BIRC5: variants seen among roughly 807,000 people sequenced by gnomAD.
BIRC5 encodes the protein baculoviral IAP repeat containing 5, also known as baculoviral IAP repeat-containing protein 5.
A neutral mutation model predicts 15.8 loss-of-function variants in BIRC5; 8 were observed. That is an observed-to-expected ratio of 0.51 (90% confidence interval 0.30 to 0.91). BIRC5 has a LOEUF of 0.91. Ranked by LOEUF, BIRC5 falls within the 40% of genes least tolerant of loss-of-function variation. BIRC5 has a pLI of 0.07. For synonymous variants in BIRC5, 56 were observed against 64.5 expected, an observed-to-expected ratio of 0.87 and a Z score of 0.63; for missense variants, 163 against 178.6, an observed-to-expected ratio of 0.91 and a Z score of 0.50.
intron 2 of BIRC5, 131 bp from the exon 3 acceptor site, chr17:78,216,533 C>G: frequency 1.4e-6 from 1 of 729,386 alleles, no homozygotes. Flanking sequence ...CCATCAACTT[C>G]AGACTTGACG....
At chr17:78,216,113 G>A in intron 2 of BIRC5, 1 of 317,490 alleles carries the variant, frequency 3.1e-6, no homozygotes, top group Non-Finnish European at 4.6e-6. Context: ...GCCGGGCGTG[G>A]TGGTGGGCGC....
At chr17:78,215,411 C>T (rs760453653) in intron 2 of BIRC5, among the ~76,000 whole-genome samples, 20 of 150,604 alleles carry the variant, frequency 1.3e-4, no homozygotes, top group Non-Finnish European at 2.7e-4. Flanking sequence ...AGCGAGACTC[C>T]GTCATAAAAA....
chr17:78,222,973 C>T (rs1054980140), intron 3 of BIRC5: 1 of 1,499,124 alleles, frequency 6.7e-7, no homozygotes, highest in Non-Finnish European at 8.8e-7. Flanking sequence ...GGACTTTCCT[C>T]CAGGAGTTTC....
intron 2 of BIRC5, 58 bp downstream of exon 2, chr17:78,214,847 T>C: frequency 6.7e-7 from 1 of 1,489,658 alleles, no homozygotes; most frequent in Non-Finnish European, 9.2e-7. Context: ...TGTCAAAAGA[T>C]TTGAGTTGCA....
intron 3 of BIRC5, among the ~76,000 whole-genome samples, chr17:78,221,332 G>A (rs1001124830): frequency 1.3e-5 from 2 of 152,122 alleles, no homozygotes; most frequent in African/African-American, 4.8e-5. Context: ...GCTCACTATA[G>A]CCTCGACCTC....
intron 3 of BIRC5, among the ~76,000 whole-genome samples, chr17:78,220,903 G>A (rs2076510915): frequency 6.6e-6 from 1 of 152,036 alleles, no homozygotes; most frequent in African/African-American, 2.4e-5. Flanking sequence ...AGACAAGGAT[G>A]CTGTTGCTGG....
intron 3 of BIRC5, among the ~76,000 whole-genome samples, chr17:78,218,266 CTTTATTTATTTATTTA>C (rs144831740): frequency 3.3e-5 from 5 of 150,464 alleles, no homozygotes; most frequent in Admixed American, 6.6e-5. Flanking sequence ...TGTAACTGGG[CTTTATTTATTTATTTA>C]TTTATTTATT....
In BIRC5 at chr17:78,224,403, TA is replaced by T. The variant is rs1184224577; in HGVS notation, c.*852del. On this transcript the variant is annotated 3_prime_UTR_variant, in exon 4 of 4. Coordinates refer to ENST00000350051, the MANE Select transcript of BIRC5 (RefSeq NM_001168.3). ...AAAAGGCAGTGGCCTAAATCCTTTT[TA>T]AATGACTTGGCTCGATGCTGTGGGG... The T allele has an allele frequency of 6.6e-6, 1 of 152,246 alleles. No individual in the cohort carries two copies. The highest frequency in any genetic ancestry group is 2.4e-5 in the African/African-American group (1 of 41,446). The allele number at this position is 152,246 out of a possible 1,614,324, so 9.4% of individuals were successfully genotyped here.
chr17:78,221,228 G>A (rs952651878), intron 3 of BIRC5, among the ~76,000 whole-genome samples: 3 of 152,154 alleles, frequency 2.0e-5, no homozygotes, highest in African/African-American at 7.2e-5. Flanking sequence ...AAGGAGAGGC[G>A]AGTTGTAGAC....
At chr17:78,215,768 T>C (rs2076473276) in intron 2 of BIRC5, among the ~76,000 whole-genome samples, 1 of 152,208 alleles carries the variant, frequency 6.6e-6, no homozygotes, top group Non-Finnish European at 1.5e-5. Flanking sequence ...ATAAGTGTTA[T>C]GATATTTTCA....
chr17:78,214,732 C>T lies in BIRC5; in HGVS notation c.164C>T (p.Ala55Val). 6.2e-7 allele frequency: 1 copy of T among 1,612,816 alleles called. No homozygotes were observed. The highest frequency in any genetic ancestry group is 8.5e-7 in the Non-Finnish European group (1 of 1,179,532). Residue 55 changes from alanine (A) to valine (V), a missense_variant, in exon 2 of 4, where the codon GCC (alanine) becomes GTC (valine). Ala to Val is a moderately conservative substitution (Grantham distance 64). Coordinates refer to ENST00000350051, the MANE Select transcript of BIRC5 (RefSeq NM_001168.3). ...CCCACTGAGAACGAGCCAGACTTGG[C>T]CCAGTGTTTCTTCTGCTTCAAGGAG... is the stretch of plus-strand genomic sequence containing the variant. ...HCPTENEPDL[A>V]QCFFCFKELE...
rs540147173 is a variant in BIRC5 at position 78,224,527 on chromosome 17, C to T, written c.*973C>T. On this transcript the variant is annotated 3_prime_UTR_variant, in exon 4 of 4. Coordinates refer to ENST00000350051, the MANE Select transcript of BIRC5 (RefSeq NM_001168.3). ...GAGAGACGCAGTCCGCCCAGGTCCCCGCTTTCTTTGGAGGCAGCAGCTCCC... is the reference window on the plus strand; with the variant it reads ...GAGAGACGCAGTCCGCCCAGGTCCCTGCTTTCTTTGGAGGCAGCAGCTCCC... The T allele has an allele frequency of 2.0e-5, 3 of 152,360 alleles. No individual in the cohort carries two copies. The highest frequency in any genetic ancestry group is 2.1e-4 in the South Asian group (1 of 4,822). 9.4% of individuals were successfully genotyped at this position (152,360 alleles called of 1,614,324 possible). A position where few individuals can be genotyped will look rare whatever the true frequency, so the allele number is the denominator to read the frequency against.
rs965704300 is a variant in BIRC5, at chr17:78,216,566, G to A, written c.222-98G>A. On this transcript the variant is annotated intron_variant, in intron 2 of 3. Transcript: ENST00000350051. Reference sequence around the variant, plus strand: ...ACGTCTTACTCCTGAGGCAGAGCAGGGTGTGCCTGTGGAGGGCGTGGGGAG... The same window carrying A: ...ACGTCTTACTCCTGAGGCAGAGCAGAGTGTGCCTGTGGAGGGCGTGGGGAG... The A allele has an allele frequency of 4.2e-6, 4 of 950,194 alleles. No homozygotes were observed. The Admixed American group carries it at 5.4e-5, about 13-fold the overall frequency. The allele number at this position is 950,194 out of a possible 1,614,324, so 58.9% of individuals were successfully genotyped here.
chr17:78,216,810 A>T, intron 3 of BIRC5, 29 bp downstream of exon 3: 1 of 1,549,114 alleles, frequency 6.5e-7, no homozygotes, highest in Non-Finnish European at 8.9e-7. Context: ...AACTGCTCAA[A>T]CCCTGTTCAA....
At chr17:78,220,474 C>T (rs1027826832) in intron 3 of BIRC5, among the ~76,000 whole-genome samples, 3 of 151,362 alleles carry the variant, frequency 2.0e-5, no homozygotes, top group Non-Finnish European at 4.4e-5. Context: ...GAGCTGAAGG[C>T]GCAGTAGGCA....
At chr17:78,223,102 G>A in intron 3 of BIRC5, 2 of 1,136,884 alleles carry the variant, frequency 1.8e-6, no homozygotes, top group Non-Finnish European at 2.4e-6. Context: ...ACTTTGAGTG[G>A]CTCCTTCAGC....
intron 3 of BIRC5, among the ~76,000 whole-genome samples, chr17:78,221,468 C>T (rs2076515173): frequency 6.6e-6 from 1 of 151,700 alleles, no homozygotes; most frequent in African/African-American, 2.4e-5. Flanking sequence ...ACTCTGTCGC[C>T]CAGGCTGGAG....
chr17:78,223,559 T>A lies in BIRC5; in HGVS notation c.*5T>A. On this transcript the variant is annotated 3_prime_UTR_variant, in exon 4 of 4. Coordinates refer to ENST00000350051, the MANE Select transcript of BIRC5 (RefSeq NM_001168.3). ...CAGCTGGCTGCCATGGATTGAGGCCTCTGGCCGGAGCTGCCTGGTCCCAGA... is the reference window on the plus strand; with the variant it reads ...CAGCTGGCTGCCATGGATTGAGGCCACTGGCCGGAGCTGCCTGGTCCCAGA... The A allele has an allele frequency of 6.2e-7, 1 of 1,613,862 alleles. No individual in the cohort carries two copies. The highest frequency in any genetic ancestry group is 1.1e-5 in the South Asian group (1 of 90,966).
chr17:78,216,168 G>C (rs1001514296), intron 2 of BIRC5: 17 of 161,056 alleles, frequency 1.1e-4, no homozygotes, highest in Non-Finnish European at 2.2e-4. Flanking sequence ...AGAATGGCGT[G>C]AACCCAGGAG....
Sources: gnomAD v4.1 joint callset for allele counts (sites outside exome capture counted in the v4.1 genomes callset) on GRCh38, gnomAD v4.1.1 for gene constraint, MANE v1.5 for transcripts, NCBI Gene and HGNC (gene_info 2026-07-23, HGNC 2026-07-21) for gene names.